SSUH2: variants seen among roughly 807,000 people sequenced by gnomAD.
The protein encoded by SSUH2 is ssu-2 homolog.
SSUH2 carries 47 observed loss-of-function variants against 55.3 expected under a neutral mutation model. The ratio of observed to expected loss-of-function variants is 0.85; its 90% CI spans 0.67 to 1.08. The LOEUF is 1.08. SSUH2 is among the 50% of genes least tolerant of loss of function. The pLI is 0.00. For synonymous variants in SSUH2, 212 were observed against 191.5 expected (o/e 1.11, Z -0.89); for missense variants, 535 against 490.7 (o/e 1.09, Z -0.85).
intron 11 of SSUH2, 66 bp from the exon 12 acceptor site, chr3:8,620,080 T>G: frequency 6.4e-7 from 1 of 1,559,558 alleles, no homozygotes; most frequent in Non-Finnish European, 8.7e-7. Flanking sequence ...GCTCAGGAAC[T>G]TTCAGTAGCT....
intron 6 of SSUH2, among the ~76,000 whole-genome samples, chr3:8,630,593 G>A (rs9835475): frequency 6.6e-6 from 1 of 152,086 alleles, no homozygotes; most frequent in Non-Finnish European, 1.5e-5. Context: ...TGTTTGCTAG[G>A]TGAACACTCC....
At chr3:8,647,718 C>G (rs1701887208), upstream of SSUH2, among the ~76,000 whole-genome samples, 1 of 152,366 alleles carries the variant, frequency 6.6e-6, no homozygotes, top group South Asian at 2.1e-4. Flanking sequence ...CACCAGGAAC[C>G]AGGCCCTGCC....
chr3:8,632,271 G>C (rs1440930578), intron 4 of SSUH2, among the ~76,000 whole-genome samples, 162 bp from the exon 5 acceptor site: 1 of 152,164 alleles, frequency 6.6e-6, no homozygotes, highest in Admixed American at 6.5e-5. Flanking sequence ...AGCGATTTCT[G>C]TTCCACGTGC....
chr3:8,627,670 C>T (rs1474600546), intron 8 of SSUH2, 28 bp downstream of exon 8: 6 of 1,423,056 alleles, frequency 4.2e-6, no homozygotes, highest in Non-Finnish European at 5.5e-6. Context: ...AAGAGCACTT[C>T]ACCGCGGTGC....
At chr3:8,681,543 C>A (rs556162470) in intron 1 of SSUH2, among the ~76,000 whole-genome samples, 3 of 148,642 alleles carry the variant, frequency 2.0e-5, no homozygotes, top group African/African-American at 7.5e-5. Context: ...GCTCTTCGGA[C>A]CCCCATGGGG....
In SSUH2 at chr3:8,681,073, T is replaced by C. The variant is rs1416376739; in HGVS notation, c.-1046+818A>G. Among the ~76,000 whole-genome samples the C allele has an allele frequency of 8.6e-4, 77 of 89,694 alleles. 1 individual carries two copies. The highest frequency in any genetic ancestry group is 0.011 in the Middle Eastern group (1 of 92). The allele number at this position is 89,694 out of a possible 152,430, so 58.8% of individuals were successfully genotyped here. On this transcript the variant is annotated intron_variant, in intron 1 of 18. Transcript: ENST00000317371. Reference sequence around the variant, plus strand: ...CTCTTCCCCCGCTGGCTCTTAGGACTTCCATAGCAGGGGGGAGAGGCACCC... The same window carrying C: ...CTCTTCCCCCGCTGGCTCTTAGGACCTCCATAGCAGGGGGGAGAGGCACCC...
At chr3:8,675,168 A>G (rs1317849010) in intron 3 of SSUH2, among the ~76,000 whole-genome samples, 1 of 152,284 alleles carries the variant, frequency 6.6e-6, no homozygotes. Flanking sequence ...GTTTGCTGCC[A>G]GCTGAGGACA....
chr3:8,661,275 C>T (rs912109428), intron 6 of SSUH2, among the ~76,000 whole-genome samples: 9 of 152,210 alleles, frequency 5.9e-5, no homozygotes, highest in Admixed American at 5.2e-4. Flanking sequence ...TCCTAATCCA[C>T]CAAAATCTCA....
chr3:8,663,858 C>T, intron 5 of SSUH2: 1 of 456,574 alleles, frequency 2.2e-6, no homozygotes, highest in African/African-American at 2.0e-5. Flanking sequence ...GATGCGTGTC[C>T]CAAGACAATG....
At chr3:8,647,264 C>T (rs1701796394), upstream of SSUH2, among the ~76,000 whole-genome samples, 1 of 152,226 alleles carries the variant, frequency 6.6e-6, no homozygotes, top group Non-Finnish European at 1.5e-5. Flanking sequence ...GGACACCTGT[C>T]CTATCCATGC....
chr3:8,659,242 A>C (rs1703239439), intron 6 of SSUH2, among the ~76,000 whole-genome samples: 1 of 151,950 alleles, frequency 6.6e-6, no homozygotes, highest in African/African-American at 2.4e-5. Context: ...GGGCATTTTC[A>C]GTGGTTTTCT....
intron 1 of SSUH2, among the ~76,000 whole-genome samples, chr3:8,636,442 G>A (rs140594919): frequency 3.9e-5 from 6 of 152,284 alleles, no homozygotes; most frequent in East Asian, 1.9e-4. Context: ...GAATGCCACT[G>A]GATGACCCTA....
rs149674701 is a variant in SSUH2, at chr3:8,629,735, G to A, written c.526-9C>T. 1.5e-4 allele frequency: 245 copies of A among 1,614,020 alleles called. No individual in the cohort carries two copies. The African/African-American group carries it at 3.1e-3, about 20-fold the overall frequency. On this transcript the variant is annotated splice_polypyrimidine_tract_variant and intron_variant, in intron 6 of 11. Coordinates refer to ENST00000544814, the MANE Select transcript of SSUH2 (RefSeq NM_001256748.3). ...TGGCATTTGTGGCATTCCTGAAAGT[G>A]CAACGCTTTCTTGGGATCTAGTTTC...
chr3:8,625,988 C>T (rs373201662), intron 9 of SSUH2, among the ~76,000 whole-genome samples: 222 of 152,298 alleles, frequency 1.5e-3, no homozygotes, highest in African/African-American at 4.8e-3. Flanking sequence ...AGTTGTGGAG[C>T]GGCTGCTGCC....
intron 3 of SSUH2, chr3:8,634,566 C>T (rs2125195854): frequency 7.8e-7 from 1 of 1,289,842 alleles, no homozygotes; most frequent in Non-Finnish European, 1.0e-6. Context: ...CGTCTGTCTT[C>T]AGATCCATGG....
chr3:8,669,931 G>GA (rs757252477), intron 5 of SSUH2, among the ~76,000 whole-genome samples: 35 of 152,304 alleles, frequency 2.3e-4, no homozygotes, highest in Middle Eastern at 3.4e-3. Flanking sequence ...GACATGAGTG[G>GA]AAAAACTGGT....
intron 7 of SSUH2, 71 bp from the exon 8 acceptor site, chr3:8,627,854 G>C: frequency 7.1e-7 from 1 of 1,411,790 alleles, no homozygotes; most frequent in Non-Finnish European, 9.7e-7. Flanking sequence ...CCCAAGACCT[G>C]GTTCAAATCC....
chr3:8,637,454 C>T (rs2125224208), intron 1 of SSUH2, among the ~76,000 whole-genome samples: 1 of 152,312 alleles, frequency 6.6e-6, no homozygotes, highest in East Asian at 1.9e-4. Flanking sequence ...CATGTTGCCT[C>T]ATCCCACACT....
chr3:8,658,962 G>A (rs1404798121), exon 7 of SSUH2: 1 of 152,214 alleles, frequency 6.6e-6, no homozygotes, highest in East Asian at 1.9e-4. Flanking sequence ...TTGCTTCCAT[G>A]TTATCCTTCC....
Sources: allele counts gnomAD v4.1 joint callset (sites outside exome capture counted in the v4.1 genomes callset), GRCh38; gene constraint gnomAD v4.1.1; transcripts MANE v1.5; gene names NCBI Gene and HGNC (gene_info 2026-07-23, HGNC 2026-07-21).